The following ATRX variants were observed in gnomAD, a reference collection of about 807,000 sequenced individuals.
ATRX encodes chromatin remodeler ATRX.
A neutral mutation model predicts 172.6 loss-of-function variants in ATRX; 12 were observed. The observed-to-expected ratio is 0.07, with a 90% CI of 0.04 to 0.11. ATRX has a LOEUF of 0.11. Among genes scored for constraint, ATRX ranks in the 10% least tolerant of loss-of-function variants. The probability of loss-of-function intolerance (pLI) is 1.00; values close to 1 mark genes in which losing one functional copy is unlikely to be tolerated. For synonymous variants in ATRX, 674 were observed against 594.7 expected (o/e 1.13, Z -1.94); for missense variants, 1,368 against 1,767.4 (o/e 0.77, Z 4.05).
chrX:77,778,916 C>G (rs782486263), intron 1 of ATRX, among the ~76,000 whole-genome samples: 24 of 108,654 alleles, frequency 2.2e-4, no homozygotes, highest in Non-Finnish European at 4.4e-4. Flanking sequence ...GGACTAGATT[C>G]AAATGCTATC....
At chrX:77,586,487 A>T (rs1397258711) in intron 27 of ATRX, among the ~76,000 whole-genome samples, 1 of 112,234 alleles carries the variant, frequency 8.9e-6, no homozygotes, top group Non-Finnish European at 1.9e-5. Context: ...GAGACAATCT[A>T]TGTTACTGGT....
At chrX:77,736,427 A>G (rs1160012039) in intron 1 of ATRX, among the ~76,000 whole-genome samples, 1 of 112,589 alleles carries the variant, frequency 8.9e-6, no homozygotes, top group Non-Finnish European at 1.9e-5. Context: ...ACATTTCTCA[A>G]AAGAAGACAT....
intron 27 of ATRX, among the ~76,000 whole-genome samples, chrX:77,586,527 C>T (rs1251948665): frequency 8.9e-6 from 1 of 111,980 alleles, no homozygotes; most frequent in Non-Finnish European, 1.9e-5. Context: ...AAAACAAATA[C>T]AAGATATCAT....
chrX:77,720,300 G>A (rs1430958145), intron 1 of ATRX, among the ~76,000 whole-genome samples: 1 of 111,596 alleles, frequency 9.0e-6, no homozygotes, highest in African/African-American at 3.3e-5. Flanking sequence ...AACTTCAAAA[G>A]CTAGGAGAAG....
intron 27 of ATRX, among the ~76,000 whole-genome samples, chrX:77,579,016 G>C (rs781923892): frequency 1.8e-5 from 2 of 112,062 alleles, no homozygotes; most frequent in Non-Finnish European, 3.8e-5. Context: ...TACTCTCTGC[G>C]GGCCTGTCCT....
intron 1 of ATRX, among the ~76,000 whole-genome samples, chrX:77,718,945 A>G (rs868907200): frequency 9.1e-6 from 1 of 110,218 alleles, no homozygotes; most frequent in Middle Eastern, 4.3e-3. Flanking sequence ...GCAGCACACA[A>G]CTATACTCTT....
rs782656072 is a variant in ATRX at position 77,504,886 on chromosome X, G to A, written c.*3465C>T. 6 of 136,932 alleles carry A rather than the reference G, an allele frequency of 4.4e-5. No homozygotes were observed. The highest frequency in any genetic ancestry group is 5.4e-3 in the Middle Eastern group (2 of 367). 11.3% of individuals were successfully genotyped at this position (136,932 alleles called of 1,213,427 possible). A position where few individuals can be genotyped will look rare whatever the true frequency, so the allele number is the denominator to read the frequency against. On this transcript the variant is annotated 3_prime_UTR_variant, in exon 35 of 35. Coordinates refer to ENST00000373344, the MANE Select transcript of ATRX (RefSeq NM_000489.6). ...TGAGCTTTGACACAGTATATATTTC[G>A]GATTTAAAACTTTATTCACCCCATA...
intron 22 of ATRX, among the ~76,000 whole-genome samples, chrX:77,605,584 A>G (rs1264585574): frequency 9.0e-6 from 1 of 111,714 alleles, no homozygotes; most frequent in African/African-American, 3.2e-5. Context: ...ACCAATTCTT[A>G]AACTCTTCCA....
In ATRX at chrX:77,593,841, T is replaced by C. The variant is rs1438449392; in HGVS notation, c.5965A>G (p.Thr1989Ala). ...GGGCTGCTTGGATTAGAAGAAGAAGTAGCTTTACCTAAATAAGACAAATGG... is the reference window on the plus strand; with the variant it reads ...GGGCTGCTTGGATTAGAAGAAGAAGCAGCTTTACCTAAATAAGACAAATGG... ...VSLKLEESKA[T>A]SSSNPSSPAP... Residue 1989 changes from threonine to alanine, a missense_variant, in exon 26 of 35, where the codon ACT becomes GCT. This residue lies in a region of ATRX where 45 missense variants were observed against 120.2 expected (regional missense o/e 0.37). Coordinates refer to ENST00000373344, the MANE Select transcript of ATRX (RefSeq NM_000489.6). 1 of 1,202,874 alleles carries C rather than the reference T, an allele frequency of 8.3e-7. No homozygotes were observed. The highest frequency in any genetic ancestry group is 2.2e-5 in the Admixed American group (1 of 45,445).
intron 22 of ATRX, among the ~76,000 whole-genome samples, chrX:77,612,535 C>G (rs980378700): frequency 9.1e-6 from 1 of 109,859 alleles, no homozygotes; most frequent in Non-Finnish European, 1.9e-5. Flanking sequence ...TGTATACTTA[C>G]GTAACAAACC....
chrX:77,614,244 G>A (rs1416890323), intron 22 of ATRX, among the ~76,000 whole-genome samples: 2 of 112,059 alleles, frequency 1.8e-5, no homozygotes, highest in African/African-American at 6.5e-5. Flanking sequence ...GATATTTCAA[G>A]AGAAATACTG....
chrX:77,682,398 G>A lies in ATRX; in HGVS notation c.2858C>T (p.Thr953Ile). Residue 953 changes from threonine (T) to isoleucine (I), a missense_variant, in exon 9 of 35, where the codon ACA becomes ATA. Physicochemically the swap from Thr to Ile is moderately conservative, Grantham distance 89 (BLOSUM62 -1). Transcript: ENST00000373344. ...KEKSKHLKTK[T>I]CKKVQDGLSD... The stretch of plus-strand genomic sequence containing the variant: ...TAAGCCATCCTGTACTTTTTTACAT[G>A]TTTTGGTTTTGAGATGCTTGCTCTT... 2 of 1,210,910 alleles carry A rather than the reference G, an allele frequency of 1.7e-6. No homozygotes were observed. Among genetic ancestry groups the A allele is most frequent in the Non-Finnish European group, 2.2e-6 (2 of 895,231 alleles).
chrX:77,637,768 C>G (rs918320001), intron 15 of ATRX, among the ~76,000 whole-genome samples: 1 of 107,989 alleles, frequency 9.3e-6, no homozygotes, highest in Non-Finnish European at 1.9e-5. Context: ...ATGGTGAAAC[C>G]CTGTCTCTAC....
chrX:77,545,670 A>G (rs782570183), intron 30 of ATRX, among the ~76,000 whole-genome samples: 3 of 111,935 alleles, frequency 2.7e-5, no homozygotes, highest in Non-Finnish European at 5.6e-5. Context: ...GCTAAAAGAT[A>G]TGGAGGCTAG....
chrX:77,509,759 C>T (rs1046917638), intron 34 of ATRX, among the ~76,000 whole-genome samples: 26 of 111,219 alleles, frequency 2.3e-4, no homozygotes, highest in African/African-American at 8.5e-4. Context: ...AGAGGGAAAT[C>T]ACCTATCCCA....
chrX:77,550,095 C>T (rs2064419480), intron 30 of ATRX, among the ~76,000 whole-genome samples: 1 of 112,339 alleles, frequency 8.9e-6, no homozygotes, highest in South Asian at 3.7e-4. Context: ...AATTCTCTTC[C>T]TTCCACAAAC....
intron 22 of ATRX, among the ~76,000 whole-genome samples, chrX:77,602,142 C>T (rs950691875): frequency 4.5e-5 from 5 of 111,530 alleles, no homozygotes; most frequent in East Asian, 5.6e-4. Flanking sequence ...AAAGCTGGTA[C>T]TACAGGCACA....
intron 1 of ATRX, among the ~76,000 whole-genome samples, chrX:77,746,089 G>A (rs1450126538): frequency 9.0e-6 from 1 of 111,257 alleles, no homozygotes; most frequent in East Asian, 2.8e-4. Context: ...TGTGGATGCT[G>A]AAAAATGTGT....
chrX:77,778,075 C>T (rs2076420105), intron 1 of ATRX, among the ~76,000 whole-genome samples: 1 of 103,809 alleles, frequency 9.6e-6, no homozygotes, highest in South Asian at 4.4e-4. Context: ...GTGGAGGTTG[C>T]AGTAAGCTGA....
Sources: gnomAD v4.1 joint callset for allele counts (sites outside exome capture counted in the v4.1 genomes callset) on GRCh38, gnomAD v4.1.1 for gene constraint, gnomAD v4.1.1 regional missense constraint, MANE v1.5 for transcripts, NCBI Gene and HGNC (gene_info 2026-07-23, HGNC 2026-07-21) for gene names.